EPC2: variants seen among roughly 807,000 people sequenced by gnomAD.
The protein encoded by EPC2 is enhancer of polycomb 2.
A neutral mutation model predicts 92.1 loss-of-function variants in EPC2; 14 were observed. The ratio of observed to expected loss-of-function variants is 0.15; its 90% confidence interval spans 0.10 to 0.24. The LOEUF is 0.24. Among genes scored for constraint, EPC2 ranks in the 10% least tolerant of loss-of-function variants. The pLI, the probability that EPC2 is intolerant of heterozygous loss-of-function variation, is 1.00. For synonymous variants in EPC2, 340 were observed against 334.7 expected, an observed-to-expected ratio of 1.02 and a Z score of -0.17; for missense variants, 755 against 971.5, an observed-to-expected ratio of 0.78 and a Z score of 2.96.
In EPC2 at chr2:148,644,931, G is replaced by A. The variant is rs1683761898; in HGVS notation, c.-87G>A. ...GGCCGGCCGCGCTGCACTGAGGAAGGAGGTGGAGGAGGCGGCGGGAGTCCT... is the reference window on the plus strand; with the variant it reads ...GGCCGGCCGCGCTGCACTGAGGAAGAAGGTGGAGGAGGCGGCGGGAGTCCT... On this transcript the variant is annotated 5_prime_UTR_variant, in exon 1 of 14. Transcript: ENST00000258484. 6.9e-6 allele frequency: 8 copies of A among 1,156,818 alleles called. No individual in the cohort carries two copies. Among genetic ancestry groups the A allele is most frequent in the South Asian group, 2.8e-5 (2 of 72,698 alleles). 71.7% of individuals were successfully genotyped at this position (1,156,818 alleles called of 1,614,324 possible).
At chr2:148,705,023 C>T (rs1017090445) in intron 2 of EPC2, among the ~76,000 whole-genome samples, 2 of 151,162 alleles carry the variant, frequency 1.3e-5, no homozygotes, top group Non-Finnish European at 2.9e-5. Flanking sequence ...TTTATTTATT[C>T]CTCACACTTT....
chr2:148,685,245 G>A (rs1687011715), intron 1 of EPC2, among the ~76,000 whole-genome samples: 1 of 21,506 alleles, frequency 4.6e-5, no homozygotes, highest in Non-Finnish European at 1.5e-4. Context: ...AATGGATTTC[G>A]TTGAGTTTTT....
chr2:148,774,389 G>A (rs1420815100), intron 10 of EPC2, among the ~76,000 whole-genome samples: 1 of 151,928 alleles, frequency 6.6e-6, no homozygotes, highest in Non-Finnish European at 1.5e-5. Flanking sequence ...CATTTTGGGA[G>A]GCTGAGGCAG....
At chr2:148,695,161 T>C (rs1020056911) in intron 2 of EPC2, among the ~76,000 whole-genome samples, 86 of 152,228 alleles carry the variant, frequency 5.6e-4, no homozygotes, top group African/African-American at 2.0e-3. Context: ...GGACTCTCTT[T>C]TCTTATTTTG....
chr2:148,718,083 C>T (rs1309284510), intron 2 of EPC2, among the ~76,000 whole-genome samples: 1 of 152,158 alleles, frequency 6.6e-6, no homozygotes, highest in Non-Finnish European at 1.5e-5. Context: ...GTTCTGTTTC[C>T]CATTTGCTTA....
intron 2 of EPC2, among the ~76,000 whole-genome samples, chr2:148,735,613 TA>T (rs2105400810): frequency 6.6e-6 from 1 of 152,166 alleles, no homozygotes; most frequent in African/African-American, 2.4e-5. Flanking sequence ...TCTATACTTA[TA>T]CCTTTTCTTC....
Position 148,658,607 on chromosome 2 carries a change from G to GTATATATATA in EPC2, c.153+13453_153+13462dup, listed in dbSNP as rs3076616. Among the ~76,000 whole-genome samples, 1,309 of 141,018 alleles carry GTATATATATA rather than the reference G, an allele frequency of 9.3e-3. 11 individuals are homozygous for GTATATATATA. Among genetic ancestry groups the GTATATATATA allele is most frequent in the South Asian group, 0.026 (108 of 4,212 alleles). The allele number at this position is 141,018 out of a possible 152,430, so 92.5% of individuals were successfully genotyped here. On this transcript the variant is annotated intron_variant, in intron 1 of 13. Transcript: ENST00000258484. ...ATGAAGATTAGCTGTGTGTGTGTGT[G>GTATATATATA]TATATATATATATATATATATATAT...
At chr2:148,655,038 A>G (rs1343769200) in intron 1 of EPC2, among the ~76,000 whole-genome samples, 3 of 152,112 alleles carry the variant, frequency 2.0e-5, no homozygotes, top group African/African-American at 7.2e-5. Flanking sequence ...TTGTTTGGAA[A>G]CTTTCAAAAG....
intron 1 of EPC2, among the ~76,000 whole-genome samples, chr2:148,661,772 A>G (rs75577818): frequency 0.038 from 5,817 of 152,222 alleles, 150 homozygotes; most frequent in Middle Eastern, 0.054. Flanking sequence ...AATATTCTCA[A>G]ATTTTTTTTG....
intron 3 of EPC2, among the ~76,000 whole-genome samples, chr2:148,749,444 A>G (rs1294464015): frequency 6.6e-6 from 1 of 151,496 alleles, no homozygotes; most frequent in Non-Finnish European, 1.5e-5. Flanking sequence ...TCAAATTAAA[A>G]GCGCCTAAAA....
chr2:148,665,841 A>G (rs918601367), intron 1 of EPC2, among the ~76,000 whole-genome samples: 1 of 152,188 alleles, frequency 6.6e-6, no homozygotes, highest in African/African-American at 2.4e-5. Context: ...GGAGAAAAAA[A>G]TCTTTATAAT....
At chr2:148,766,167 A>G (rs189105126) in intron 7 of EPC2, among the ~76,000 whole-genome samples, 3 of 152,336 alleles carry the variant, frequency 2.0e-5, no homozygotes, top group Admixed American at 6.5e-5. Flanking sequence ...AAGACCTTGA[A>G]CTACTACCAG....
chr2:148,761,165 G>A (rs930850967), intron 4 of EPC2, among the ~76,000 whole-genome samples: 1 of 152,166 alleles, frequency 6.6e-6, no homozygotes, highest in African/African-American at 2.4e-5. Flanking sequence ...CTGAAATTCA[G>A]TATTTTTGCT....
At position 148,769,095 on chromosome 2, in the gene EPC2, A is replaced by G; in HGVS notation, c.1141-56A>G. On this transcript the variant is annotated intron_variant, in intron 7 of 13. Coordinates refer to ENST00000258484, the MANE Select transcript of EPC2 (RefSeq NM_015630.4). ...TCAGATTTACATTTTAGAGTATTAC[A>G]AACATTGATCTATTGACTTTTGATA... 5.3e-6 allele frequency: 6 copies of G among 1,142,524 alleles called. No individual in the cohort carries two copies. In the African/African-American group the frequency reaches 9.1e-5, roughly 17 times the overall value. 70.8% of individuals were successfully genotyped at this position (1,142,524 alleles called of 1,614,324 possible).
chr2:148,736,092 A>T (rs1207540578), intron 2 of EPC2, among the ~76,000 whole-genome samples: 3 of 152,190 alleles, frequency 2.0e-5, no homozygotes, highest in Non-Finnish European at 4.4e-5. Context: ...ACCCCTAATG[A>T]ATTAGTGCAT....
rs74811434 is a variant in EPC2 at position 148,674,929 on chromosome 2, C to T, written c.154-15285C>T. 8.5e-4 allele frequency among the ~76,000 whole-genome samples: 129 copies of T among 152,200 alleles called. No individual in the cohort carries two copies. In the East Asian group the frequency reaches 0.023, roughly 27 times the overall value. On this transcript the variant is annotated intron_variant, in intron 1 of 13. Transcript: ENST00000258484. Reference sequence around the variant, plus strand: ...TGCTCCCTTTACTGGTTTGTAACTTCGTAGTCTTTTGTTCCTAGAAGGTTT... The same window carrying T: ...TGCTCCCTTTACTGGTTTGTAACTTTGTAGTCTTTTGTTCCTAGAAGGTTT...
chr2:148,759,612 T>C (rs1683262323), intron 4 of EPC2, among the ~76,000 whole-genome samples: 1 of 152,078 alleles, frequency 6.6e-6, no homozygotes, highest in Non-Finnish European at 1.5e-5. Flanking sequence ...TTTGAAAATA[T>C]ATATTAAAGT....
At chr2:148,769,464 T>G (rs184743885) in intron 8 of EPC2, among the ~76,000 whole-genome samples, 2 of 152,174 alleles carry the variant, frequency 1.3e-5, no homozygotes, top group Non-Finnish European at 2.9e-5. Context: ...TTTTAGAAAT[T>G]TAGGTTCATT....
chr2:148,772,822 A>C (rs531407075), intron 10 of EPC2, among the ~76,000 whole-genome samples: 29 of 152,220 alleles, frequency 1.9e-4, no homozygotes, highest in African/African-American at 6.7e-4. Context: ...TATTAAATCA[A>C]ATCTTTTTTC....
Sources: allele counts gnomAD v4.1 joint callset (sites outside exome capture counted in the v4.1 genomes callset), GRCh38; gene constraint gnomAD v4.1.1; transcripts MANE v1.5; gene names NCBI Gene and HGNC (gene_info 2026-07-23, HGNC 2026-07-21).